The following TPRG1 variants were observed in gnomAD, a reference collection of about 807,000 sequenced individuals.
TPRG1 encodes tumor protein p63-regulated gene 1 protein.
TPRG1 carries 29 observed loss-of-function variants against 29.3 expected under a neutral mutation model. That is an observed-to-expected ratio of 0.99 (90% CI 0.74 to 1.35). TPRG1 has a LOEUF of 1.35. Ranked by LOEUF, TPRG1 falls within the 40% of genes most tolerant of loss-of-function variation. The pLI is 0.00. For synonymous variants in TPRG1, 130 were observed against 116.8 expected, an observed-to-expected ratio of 1.11 and a Z score of -0.73; for missense variants, 327 against 335.0, an observed-to-expected ratio of 0.98 and a Z score of 0.19.
At chr3:188,998,164 G>A (rs201837226) in intron 1 of TPRG1, among the ~76,000 whole-genome samples, 1 of 140,138 alleles carries the variant, frequency 7.1e-6, no homozygotes, top group Non-Finnish European at 1.6e-5. Flanking sequence ...TAAACAAACA[G>A]AAATATGATA....
intron 3 of TPRG1, among the ~76,000 whole-genome samples, chr3:189,227,604 C>G (rs1477119935): frequency 6.6e-6 from 1 of 152,170 alleles, no homozygotes; most frequent in African/African-American, 2.4e-5. Context: ...CAAGTTGTTA[C>G]TACACACTTC....
chr3:189,237,789 G>A (rs1401439554), intron 3 of TPRG1, among the ~76,000 whole-genome samples: 2 of 152,162 alleles, frequency 1.3e-5, no homozygotes, highest in African/African-American at 4.8e-5. Flanking sequence ...TTACACATTA[G>A]ATTGATTCTG....
intron 1 of TPRG1, among the ~76,000 whole-genome samples, chr3:189,198,841 G>T (rs544353865): frequency 3.7e-4 from 57 of 152,310 alleles, no homozygotes; most frequent in Admixed American, 6.5e-4. Context: ...TGGATGAGTG[G>T]TAGAAGCATG....
rs1711875721 is a variant in TPRG1 at position 188,997,550 on chromosome 3, G to A, written c.-1015-3224G>A. ...TTCCAGTTTGCCAGAGGCTGAGAGG[G>A]TTACTGGAACATGAGAATTTCAGCT... On this transcript the variant is annotated intron_variant, in intron 1 of 10. Coordinates refer to the TPRG1 transcript ENST00000433971. Among the ~76,000 whole-genome samples the A allele has an allele frequency of 2.0e-5, 3 of 152,152 alleles. No individual in the cohort carries two copies. In the South Asian group the frequency reaches 6.2e-4, roughly 31 times the overall value.
At chr3:189,074,838 G>GTC (rs1717039959) in intron 4 of TPRG1, among the ~76,000 whole-genome samples, 1 of 150,228 alleles carries the variant, frequency 6.7e-6, no homozygotes, top group African/African-American at 2.5e-5. Context: ...TTGAGACGGA[G>GTC]TCTCGCTCTG....
chr3:189,294,588 G>C (rs556082752), intron 4 of TPRG1, among the ~76,000 whole-genome samples: 22 of 152,286 alleles, frequency 1.4e-4, no homozygotes, highest in African/African-American at 5.3e-4. Flanking sequence ...GGTAAGTGGG[G>C]TGTGTATCGC....
intron 4 of TPRG1, 191 bp downstream of exon 4, chr3:189,239,100 T>C: frequency 2.0e-6 from 1 of 501,850 alleles, no homozygotes; most frequent in East Asian, 3.2e-5. Flanking sequence ...TTTAAGTAAA[T>C]ATATTAGTTC....
chr3:189,225,341 A>T (rs938027183), intron 3 of TPRG1, among the ~76,000 whole-genome samples: 15 of 152,208 alleles, frequency 9.9e-5, no homozygotes, highest in Admixed American at 2.0e-4. Flanking sequence ...TGATTATTTT[A>T]GAACTTGTTT....
intron 3 of TPRG1, among the ~76,000 whole-genome samples, chr3:189,218,635 T>C (rs1736465221): frequency 6.6e-6 from 1 of 152,240 alleles, no homozygotes; most frequent in African/African-American, 2.4e-5. Flanking sequence ...ATCTGTGAAC[T>C]TACGTTAGCT....
At chr3:189,161,920 A>G (rs939669789) in intron 5 of TPRG1, among the ~76,000 whole-genome samples, 2 of 152,164 alleles carry the variant, frequency 1.3e-5, no homozygotes, top group East Asian at 3.8e-4. Context: ...GTAACTTTAG[A>G]CCAGAATCTT....
At chr3:189,262,777 G>C (rs891733370) in intron 4 of TPRG1, among the ~76,000 whole-genome samples, 1 of 152,232 alleles carries the variant, frequency 6.6e-6, no homozygotes, top group African/African-American at 2.4e-5. Context: ...TTCAATCAAA[G>C]TGTTGGGGCT....
intron 4 of TPRG1, among the ~76,000 whole-genome samples, chr3:189,293,487 G>T (rs896061075): frequency 2.0e-5 from 3 of 152,062 alleles, no homozygotes; most frequent in African/African-American, 7.2e-5. Context: ...GGGAGCAAAA[G>T]GTGCCAAGGA....
At chr3:189,301,370 G>A (rs1720814860) in intron 4 of TPRG1, among the ~76,000 whole-genome samples, 1 of 146,834 alleles carries the variant, frequency 6.8e-6, no homozygotes, top group African/African-American at 2.5e-5. Flanking sequence ...AATATTGAAT[G>A]CCTAGTAGGC....
intron 4 of TPRG1, among the ~76,000 whole-genome samples, chr3:189,088,587 A>G (rs1718118721): frequency 6.6e-6 from 1 of 152,184 alleles, no homozygotes; most frequent in Non-Finnish European, 1.5e-5. Context: ...TACTTCCAAA[A>G]ATACTATTAA....
chr3:189,168,751 G>A (rs1027915792), upstream of TPRG1, among the ~76,000 whole-genome samples: 1 of 152,180 alleles, frequency 6.6e-6, no homozygotes, highest in African/African-American at 2.4e-5. Context: ...TTTCCCAAAA[G>A]ACTCCTGGGA....
chr3:189,025,760 G>A (rs957989794), intron 4 of TPRG1, among the ~76,000 whole-genome samples: 1 of 152,156 alleles, frequency 6.6e-6, no homozygotes, highest in Non-Finnish European at 1.5e-5. Flanking sequence ...ATTCTCTAGG[G>A]TATAAGAGAA....
chr3:189,238,588 T>C, intron 3 of TPRG1, 145 bp from the exon 4 acceptor site: 1 of 561,406 alleles, frequency 1.8e-6, no homozygotes, highest in Non-Finnish European at 3.1e-6. Context: ...AGTGGGGTAG[T>C]GGTGTGGTAT....
At chr3:189,244,031 T>C (rs1741012686) in intron 4 of TPRG1, among the ~76,000 whole-genome samples, 1 of 152,200 alleles carries the variant, frequency 6.6e-6, no homozygotes, top group African/African-American at 2.4e-5. Context: ...TGCTTCCATA[T>C]TTTTAGGTAT....
intron 3 of TPRG1, chr3:189,218,098 C>A: frequency 1.1e-6 from 1 of 904,126 alleles, no homozygotes; most frequent in Non-Finnish European, 1.3e-6. Context: ...ACCCTAGCCT[C>A]ACCAACCACA....
Sources: allele counts gnomAD v4.1 joint callset (sites outside exome capture counted in the v4.1 genomes callset), GRCh38; gene constraint gnomAD v4.1.1; transcripts MANE v1.5; gene names NCBI Gene and HGNC (gene_info 2026-07-23, HGNC 2026-07-21).